The following EXT1 variants were observed in gnomAD, a reference collection of about 807,000 sequenced individuals.
EXT1 encodes exostosin-1.
A neutral mutation model predicts 82.5 loss-of-function variants in EXT1; 20 were observed. The observed-to-expected ratio is 0.24, with a 90% CI of 0.17 to 0.35. The LOEUF is 0.35. Ranked by LOEUF, EXT1 falls within the 10% of genes least tolerant of loss-of-function variation. EXT1 has a pLI of 1.00. For synonymous variants in EXT1, 348 were observed against 350.8 expected, an observed-to-expected ratio of 0.99 and a Z score of 0.09; for missense variants, 757 against 936.5, an observed-to-expected ratio of 0.81 and a Z score of 2.50.
intron 1 of EXT1, among the ~76,000 whole-genome samples, chr8:117,944,927 C>T (rs559425961): frequency 2.0e-5 from 3 of 152,198 alleles, no homozygotes; most frequent in East Asian, 3.9e-4. Flanking sequence ...CTTTGGGAGG[C>T]GGAGGCGGGC....
At chr8:118,073,805 A>C (rs1817152589) in intron 1 of EXT1, among the ~76,000 whole-genome samples, 2 of 152,184 alleles carry the variant, frequency 1.3e-5, no homozygotes, top group Admixed American at 6.5e-5. Flanking sequence ...CATATTAATA[A>C]CATATAGCTA....
At chr8:118,084,396 T>C (rs1351855208) in intron 1 of EXT1, among the ~76,000 whole-genome samples, 1 of 152,248 alleles carries the variant, frequency 6.6e-6, no homozygotes, top group Non-Finnish European at 1.5e-5. Flanking sequence ...TAATGCATCT[T>C]GTTCATGCTT....
intron 6 of EXT1, among the ~76,000 whole-genome samples, chr8:117,818,744 GCAAACAAATAAA>G (rs1443075467): frequency 2.0e-5 from 3 of 152,064 alleles, no homozygotes; most frequent in East Asian, 1.9e-4. Context: ...GACAGAAAGA[GCAAACAAATAAA>G]CAAACAAACA....
At chr8:118,060,323 G>A (rs1816862924) in intron 1 of EXT1, among the ~76,000 whole-genome samples, 1 of 152,092 alleles carries the variant, frequency 6.6e-6, no homozygotes, top group Non-Finnish European at 1.5e-5. Flanking sequence ...TTGGACCTCC[G>A]ACTTTTTCGA....
At chr8:117,979,315 T>C (rs980940569) in intron 1 of EXT1, among the ~76,000 whole-genome samples, 5 of 151,366 alleles carry the variant, frequency 3.3e-5, no homozygotes, top group South Asian at 2.1e-4. Context: ...GATTGCACCA[T>C]TGCACTCCAG....
chr8:118,068,625 T>C (rs1420013414), intron 1 of EXT1, among the ~76,000 whole-genome samples: 1 of 152,092 alleles, frequency 6.6e-6, no homozygotes, highest in African/African-American at 2.4e-5. Flanking sequence ...GCTAATGCAA[T>C]ACATTCAAGA....
At chr8:117,892,171 G>A (rs1445432522) in intron 1 of EXT1, among the ~76,000 whole-genome samples, 2 of 152,192 alleles carry the variant, frequency 1.3e-5, no homozygotes, top group African/African-American at 4.8e-5. Context: ...TCTGACAGTG[G>A]TTTCTGTTTC....
chr8:117,856,270 G>C (rs1428533425), intron 1 of EXT1, among the ~76,000 whole-genome samples: 5 of 145,058 alleles, frequency 3.4e-5, no homozygotes, highest in Non-Finnish European at 6.0e-5. Context: ...TTTTTTTTGT[G>C]GGGGGACGGA....
chr8:117,897,591 CTTTTTTTTTTT>C (rs34963536), intron 1 of EXT1, among the ~76,000 whole-genome samples: 4 of 90,656 alleles, frequency 4.4e-5, no homozygotes, highest in Admixed American at 1.4e-4. Context: ...CTTCTTTTCT[CTTTTTTTTTTT>C]TTTTTTTTTT....
In EXT1 at chr8:117,968,614, G is replaced by A. The variant is rs1204968773; in HGVS notation, c.963-131413C>T. On this transcript the variant is annotated intron_variant, in intron 1 of 10. Transcript: ENST00000378204. ...AGACGGAGTCTCACTCTGTCACCCA[G>A]GCTGGAGTGCAGTGGCTTGATCTCG... 3.5e-5 allele frequency among the ~76,000 whole-genome samples: 2 copies of A among 57,186 alleles called. 1 individual carries two copies. Among genetic ancestry groups the A allele is most frequent in the African/African-American group, 5.3e-4 (2 of 3,800 alleles). The allele number at this position is 57,186 out of a possible 152,430, so 37.5% of individuals were successfully genotyped here. A position where few individuals can be genotyped will look rare whatever the true frequency, so the allele number is the denominator to read the frequency against.
At chr8:117,843,002 A>G in intron 1 of EXT1, among the ~76,000 whole-genome samples, 1 of 152,242 alleles carries the variant, frequency 6.6e-6, no homozygotes, top group East Asian at 1.9e-4. Context: ...GTATTTATTC[A>G]TAAAGTAACT....
intron 1 of EXT1, among the ~76,000 whole-genome samples, chr8:118,000,462 C>T (rs1043693868): frequency 2.0e-5 from 3 of 152,214 alleles, no homozygotes; most frequent in African/African-American, 7.2e-5. Context: ...GCCTTGGTTC[C>T]ACTTTACACA....
Position 117,873,657 on chromosome 8 carries a change from T to TA in EXT1, c.963-36457_963-36456insT, listed in dbSNP as rs561072168. ...GTTTAGTAGAGACAGGGTTTTGCCA[T>TA]GTTGGCCAGTCTGGTCTTGAAATCC... is the stretch of plus-strand genomic sequence containing the variant. On this transcript the variant is annotated intron_variant, in intron 1 of 10. Transcript: ENST00000378204. Among the ~76,000 whole-genome samples the TA allele has an allele frequency of 1.1e-3, 170 of 152,230 alleles. 3 individuals carry two copies. In the Middle Eastern group the frequency reaches 0.024, roughly 21 times the overall value.
chr8:118,040,370 C>T (rs1378465749), intron 1 of EXT1, among the ~76,000 whole-genome samples: 1 of 152,180 alleles, frequency 6.6e-6, no homozygotes, highest in African/African-American at 2.4e-5. Flanking sequence ...TTTGAGGTAT[C>T]TGTTTGGGTT....
chr8:117,809,715 T>A (rs1823293086), intron 8 of EXT1, among the ~76,000 whole-genome samples: 1 of 151,928 alleles, frequency 6.6e-6, no homozygotes, highest in Non-Finnish European at 1.5e-5. Context: ...GGGAGCACGT[T>A]ATCTCAAAGT....
intron 3 of EXT1, among the ~76,000 whole-genome samples, chr8:117,834,498 G>A (rs1351366391): frequency 1.3e-5 from 2 of 152,114 alleles, no homozygotes; most frequent in South Asian, 2.1e-4. Flanking sequence ...CCAGCTCCTC[G>A]GGAGGCTGAG....
intron 1 of EXT1, among the ~76,000 whole-genome samples, chr8:117,908,148 G>GA (rs1215770503): frequency 2.0e-5 from 3 of 152,216 alleles, no homozygotes; most frequent in African/African-American, 4.8e-5. Flanking sequence ...CTGTGTGCTG[G>GA]AAAAAAACTC....
At chr8:118,047,842 G>A (rs1816646886) in intron 1 of EXT1, among the ~76,000 whole-genome samples, 1 of 152,120 alleles carries the variant, frequency 6.6e-6, no homozygotes, top group African/African-American at 2.4e-5. Context: ...GTGGGAGGCA[G>A]AGTCTAGTCC....
chr8:118,098,758 CA>C (rs3050886), intron 1 of EXT1, among the ~76,000 whole-genome samples: 67,946 of 127,812 alleles, frequency 0.53, 18,245 homozygotes, highest in Middle Eastern at 0.66. Flanking sequence ...GACTCTGTCT[CA>C]AAAAAAAAAA....
Sources: gnomAD v4.1 joint callset for allele counts (sites outside exome capture counted in the v4.1 genomes callset) on GRCh38, gnomAD v4.1.1 for gene constraint, MANE v1.5 for transcripts, NCBI Gene and HGNC (gene_info 2026-07-23, HGNC 2026-07-21) for gene names.